Variants in RPS6KL1 observed in about 807,000 individuals in gnomAD.
The protein encoded by RPS6KL1 is ribosomal protein S6 kinase-like 1.
Under a neutral mutation model 57.0 loss-of-function variants are expected in RPS6KL1, and 41 were observed. The observed-to-expected ratio is 0.72, with a 90% CI of 0.56 to 0.93. The LOEUF (loss-of-function observed/expected upper bound fraction) is 0.93, where lower values mean the gene tolerates loss of function less well. Ranked by LOEUF, RPS6KL1 falls within the 40% of genes least tolerant of loss-of-function variation. The probability of loss-of-function intolerance (pLI) is 0.00; values close to 1 mark genes in which losing one functional copy is unlikely to be tolerated. For missense variants in RPS6KL1, 697 were observed against 727.7 expected, an observed-to-expected ratio of 0.96 and a Z score of 0.49; for synonymous variants, 287 against 309.7, an observed-to-expected ratio of 0.93 and a Z score of 0.77.
In RPS6KL1 at chr14:74,921,531, A is replaced by G; in HGVS notation, c.11T>C (p.Val4Ala). MSL[V>A]ACECLPSPGL... Reference sequence around the variant, plus strand: ...GGGGCTGGGCAGGCACTCACAGGCCACCAGGCTCATGGCTGCCCTGCAGCT... The same window carrying G: ...GGGGCTGGGCAGGCACTCACAGGCCGCCAGGCTCATGGCTGCCCTGCAGCT... The change falls in exon 3 of 12, where the codon GTG (valine) becomes GCG (alanine). Residue 4 changes from valine (V) to alanine (A), a missense_variant. By Grantham distance (64) the Val-to-Ala change is moderately conservative (BLOSUM62 0). Transcript: ENST00000557413. 1 of 1,613,814 alleles carries G rather than the reference A, an allele frequency of 6.2e-7. No individual in the cohort carries two copies. Among genetic ancestry groups the G allele is most frequent in the Non-Finnish European group, 8.5e-7 (1 of 1,179,904 alleles).
intron 5 of RPS6KL1, among the ~76,000 whole-genome samples, chr14:74,917,532 A>C (rs1157017000): frequency 1.3e-5 from 2 of 152,202 alleles, no homozygotes; most frequent in East Asian, 3.9e-4. Flanking sequence ...CTTGGTAAAG[A>C]ACTTCTTGGG....
Position 74,909,974 on chromosome 14 carries a change from G to A in RPS6KL1, c.839C>T (p.Pro280Leu), listed in dbSNP as rs187662249. 2.0e-5 allele frequency: 32 copies of A among 1,614,132 alleles called. No homozygotes were observed. In the East Asian group the frequency reaches 6.2e-4, roughly 31 times the overall value. Residue 280 changes from proline to leucine, a missense_variant, in exon 8 of 12, where the codon CCT becomes CTT. Coordinates refer to ENST00000557413, the MANE Select transcript of RPS6KL1 (RefSeq NM_031464.5). ...APGQDRIALE[P>L]PRTSPNLLLA... ...GAGAAGGTTCGGAGAAGTCCTAGGA[G>A]GCTCCAGGGCGATTCTGTCCTGGCC...
chr14:74,920,695 C>A (rs1243200043), intron 3 of RPS6KL1, among the ~76,000 whole-genome samples: 1 of 152,218 alleles, frequency 6.6e-6, no homozygotes, highest in Non-Finnish European at 1.5e-5. Flanking sequence ...ATGCTCTAGG[C>A]CGGCCCAGTC....
chr14:74,913,865 G>A (rs1011870061), intron 5 of RPS6KL1, among the ~76,000 whole-genome samples: 6 of 152,242 alleles, frequency 3.9e-5, no homozygotes, highest in Non-Finnish European at 8.8e-5. Flanking sequence ...GTTACTCTGT[G>A]CTAAGCACTT....
intron 5 of RPS6KL1, among the ~76,000 whole-genome samples, chr14:74,912,266 C>T (rs1027290687): frequency 1.3e-5 from 2 of 152,156 alleles, no homozygotes; most frequent in African/African-American, 2.4e-5. Context: ...TCACTGTGTG[C>T]GTGGTGGGCA....
chr14:74,917,878 A>C (rs899193489), intron 5 of RPS6KL1, among the ~76,000 whole-genome samples: 2 of 152,084 alleles, frequency 1.3e-5, no homozygotes, highest in African/African-American at 4.8e-5. Flanking sequence ...TGCTCGGTAG[A>C]GCGTCTTGGC....
At chr14:74,921,238 T>TGGC in intron 3 of RPS6KL1, 39 bp downstream of exon 3, 1 of 840,178 alleles carries the variant, frequency 1.2e-6, no homozygotes, top group Non-Finnish European at 2.0e-6. Flanking sequence ...CACTGGCCCT[T>TGGC]CCCCACCCAC....
chr14:74,912,323 C>T (rs1886146368), intron 5 of RPS6KL1, among the ~76,000 whole-genome samples: 1 of 152,222 alleles, frequency 6.6e-6, no homozygotes, highest in African/African-American at 2.4e-5. Flanking sequence ...TGGGCCAGGC[C>T]TCATGCCACC....
At position 74,909,770 on chromosome 14, in the gene RPS6KL1, A is replaced by G; in HGVS notation, c.1043T>C (p.Val348Ala). 16 of 1,606,898 alleles carry G rather than the reference A, an allele frequency of 1.0e-5. No individual in the cohort carries two copies. The highest frequency in any genetic ancestry group is 1.7e-4 in the Middle Eastern group (1 of 6,042). ...DAGPPRGLTW[V>A]PEGAGPVLGG... is the part of the protein sequence containing the mutation. ...TAGCACCGGGCCGGCCCCCTCAGGA[A>G]CCCAAGTGAGCCCCCGAGGGGGCCC... is the stretch of plus-strand genomic sequence containing the variant. The change falls in exon 8 of 12, where the codon GTT becomes GCT. Residue 348 changes from valine to alanine, a missense_variant. Physicochemically the swap from Val to Ala is moderately conservative, Grantham distance 64 (BLOSUM62 0). Coordinates refer to ENST00000557413, the MANE Select transcript of RPS6KL1 (RefSeq NM_031464.5).
At chr14:74,917,090 C>A (rs1231382305) in intron 5 of RPS6KL1, among the ~76,000 whole-genome samples, 1 of 152,210 alleles carries the variant, frequency 6.6e-6, no homozygotes, top group Non-Finnish European at 1.5e-5. Flanking sequence ...CAGTCTGGGA[C>A]CTGCCCCAGG....
intron 5 of RPS6KL1, among the ~76,000 whole-genome samples, chr14:74,913,252 C>T (rs2140297685): frequency 6.6e-6 from 1 of 152,322 alleles, no homozygotes; most frequent in South Asian, 2.1e-4. Flanking sequence ...ATTGTTGAAG[C>T]CATTCTGAAA....
rs1489872775 is a variant in RPS6KL1 at position 74,906,820 on chromosome 14, C to T, written c.*194G>A. On this transcript the variant is annotated 3_prime_UTR_variant, in exon 12 of 12. Transcript: ENST00000557413. The stretch of plus-strand genomic sequence containing the variant: ...AAGCCTTGACTGCCCCCACCTCCAG[C>T]TTTTCCAGGAGCTGGCCCTTCCTGG... 1.4e-6 allele frequency: 1 copy of T among 724,050 alleles called. No individual in the cohort carries two copies. Among genetic ancestry groups the T allele is most frequent in the Non-Finnish European group, 2.5e-6 (1 of 394,056 alleles). The allele number at this position is 724,050 out of a possible 1,614,324, so 44.9% of individuals were successfully genotyped here.
chr14:74,919,304 G>A (rs1887388764), intron 4 of RPS6KL1, among the ~76,000 whole-genome samples: 1 of 152,178 alleles, frequency 6.6e-6, no homozygotes, highest in Admixed American at 6.5e-5. Flanking sequence ...AGTGAGCCAA[G>A]GAGGGCTGCG....
chr14:74,917,248 CCT>C (rs1887003908), intron 5 of RPS6KL1, among the ~76,000 whole-genome samples: 1 of 152,250 alleles, frequency 6.6e-6, no homozygotes, highest in African/African-American at 2.4e-5. Context: ...TTTTGTTTTA[CCT>C]CCCAGATCAC....
In RPS6KL1 at chr14:74,919,828, G is replaced by T. The variant is rs563073391; in HGVS notation, c.390+17C>A. 6.0e-5 allele frequency: 89 copies of T among 1,491,558 alleles called. No individual in the cohort carries two copies. The African/African-American group carries it at 8.2e-4, about 14-fold the overall frequency. 92.4% of individuals were successfully genotyped at this position (1,491,558 alleles called of 1,614,324 possible). A position where few individuals can be genotyped will look rare whatever the true frequency, so the allele number is the denominator to read the frequency against. ...CCTCCTCCCGCTCAGGCCTTTGGGT[G>T]GGGGGGGTCTCCTCACCGCGCTGGG... On this transcript the variant is annotated intron_variant, in intron 4 of 11. Transcript: ENST00000557413.
In RPS6KL1 at chr14:74,907,420, C is replaced by T. The variant is rs557517767; in HGVS notation, c.1539+15G>A. 1.5e-5 allele frequency: 24 copies of T among 1,561,030 alleles called. No individual in the cohort carries two copies. The highest frequency in any genetic ancestry group is 4.8e-5 in the East Asian group (2 of 42,028). On this transcript the variant is annotated intron_variant, in intron 11 of 11. Transcript: ENST00000557413. ...AGGCTAGGCAGCTGCTTCCTCTGGC[C>T]GGGCTACACCTCACCTCAGTCAGCA...
Position 74,906,248 on chromosome 14 carries a change from G to C in RPS6KL1, c.*766C>G. 1 of 304,590 alleles carries C rather than the reference G, an allele frequency of 3.3e-6. No homozygotes were observed. Among genetic ancestry groups the C allele is most frequent in the East Asian group, 8.2e-5 (1 of 12,214 alleles). The allele number at this position is 304,590 out of a possible 1,614,324, so 18.9% of individuals were successfully genotyped here. A position where few individuals can be genotyped will look rare whatever the true frequency, so the allele number is the denominator to read the frequency against. ...CAGGCTGCCCCTCTTCCCCCACACA[G>C]GCCCACTGGGGAGGAGGACTCTTGA... On this transcript the variant is annotated 3_prime_UTR_variant, in exon 12 of 12. Transcript: ENST00000557413.
chr14:74,916,456 CG>C (rs1886861190), intron 5 of RPS6KL1, among the ~76,000 whole-genome samples: 1 of 152,166 alleles, frequency 6.6e-6, no homozygotes, highest in Admixed American at 6.5e-5. Context: ...GAGGCCTAAA[CG>C]GAGGTGGAGG....
In RPS6KL1 at chr14:74,909,795, C is replaced by G. The variant is rs748154618; in HGVS notation, c.1018G>C (p.Gly340Arg). 5.0e-6 allele frequency: 8 copies of G among 1,606,042 alleles called. No homozygotes were observed. In the East Asian group the frequency reaches 1.8e-4, roughly 36 times the overall value. ...ARRAGQNSDA[G>R]PPRGLTWVPE... Reference sequence around the variant, plus strand: ...ACCCAAGTGAGCCCCCGAGGGGGCCCAGCGTCTGAGTTCTGGCCAGCCCTC... The same window carrying G: ...ACCCAAGTGAGCCCCCGAGGGGGCCGAGCGTCTGAGTTCTGGCCAGCCCTC... Residue 340 changes from glycine to arginine, a missense_variant, in exon 8 of 12, where the codon GGG becomes CGG. Gly to Arg is a moderately radical substitution (Grantham distance 125). Coordinates refer to ENST00000557413, the MANE Select transcript of RPS6KL1 (RefSeq NM_031464.5).
Sources: allele counts gnomAD v4.1 joint callset (sites outside exome capture counted in the v4.1 genomes callset), GRCh38; gene constraint gnomAD v4.1.1; transcripts MANE v1.5; gene names NCBI Gene and HGNC (gene_info 2026-07-23, HGNC 2026-07-21).